MATN2: variants seen among roughly 807,000 people sequenced by gnomAD.
MATN2 encodes the protein matrilin 2.
A neutral mutation model predicts 103.2 loss-of-function variants in MATN2; 69 were observed. That is an observed-to-expected ratio of 0.67 (90% CI 0.55 to 0.82). The LOEUF (loss-of-function observed/expected upper bound fraction) is 0.82. Among genes scored for constraint, MATN2 ranks in the 40% least tolerant of loss-of-function variants. The probability of loss-of-function intolerance (pLI) is 0.00; values close to 1 mark genes in which losing one functional copy is unlikely to be tolerated. For synonymous variants in MATN2, 429 were observed against 450.2 expected, an observed-to-expected ratio of 0.95 and a Z score of 0.60; for missense variants, 1,023 against 1,211.5, an observed-to-expected ratio of 0.84 and a Z score of 2.31.
intron 7 of MATN2, among the ~76,000 whole-genome samples, chr8:98,002,347 C>T (rs1402727909): frequency 6.6e-6 from 1 of 152,218 alleles, no homozygotes; most frequent in Non-Finnish European, 1.5e-5. Flanking sequence ...GTGGTCTCAA[C>T]AGAGCAAGGC....
chr8:98,009,327 G>A (rs1813080243), intron 10 of MATN2, among the ~76,000 whole-genome samples: 2 of 152,184 alleles, frequency 1.3e-5, no homozygotes, highest in Non-Finnish European at 2.9e-5. Context: ...CTAACTGGGG[G>A]TTGGGATGTG....
At position 98,005,156 on chromosome 8, in the gene MATN2, G is replaced by C. The variant is rs1181047758; in HGVS notation, c.1327+1373G>C. ...GAGGTCCAGGGCAGTCCTCAGGAAA[G>C]CGTGGCTCCTCCAGTGTCCAGAGAG... On this transcript the variant is annotated intron_variant, in intron 8 of 18. Coordinates refer to ENST00000254898, the MANE Select transcript of MATN2 (RefSeq NM_002380.5). The surrounding 1 kb of genome is among the most constrained non-coding windows in gnomAD (Gnocchi z 4.6). 6.6e-6 allele frequency among the ~76,000 whole-genome samples: 1 copy of C among 152,244 alleles called. No homozygotes were observed. Among genetic ancestry groups the C allele is most frequent in the Non-Finnish European group, 1.5e-5 (1 of 68,032 alleles).
chr8:97,908,723 C>T (rs112018057), intron 2 of MATN2, among the ~76,000 whole-genome samples: 14,406 of 152,130 alleles, frequency 0.095, 984 homozygotes, highest in Admixed American at 0.21. Context: ...CCTCCGCCTC[C>T]TGGTTTCAAG....
chr8:97,885,926 A>G (rs1818410215), intron 1 of MATN2, among the ~76,000 whole-genome samples: 2 of 152,220 alleles, frequency 1.3e-5, no homozygotes, highest in South Asian at 4.1e-4. Context: ...GCCGCACAGC[A>G]GGAGGTGAGC....
intron 2 of MATN2, among the ~76,000 whole-genome samples, chr8:97,918,716 A>G (rs1236365376): frequency 2.6e-5 from 4 of 152,124 alleles, no homozygotes; most frequent in Non-Finnish European, 5.9e-5. Context: ...CTGCCAGTCA[A>G]TGTGTTATCT....
At position 97,931,621 on chromosome 8, in the gene MATN2, G is replaced by A. The variant is rs1810201878; in HGVS notation, c.712+99G>A. On this transcript the variant is annotated intron_variant, in intron 3 of 18. Coordinates refer to ENST00000254898, the MANE Select transcript of MATN2 (RefSeq NM_002380.5). The surrounding 1 kb of genome is among the most constrained non-coding windows in gnomAD (Gnocchi z 4.1). ...TGTGTTACTATGTCCCAGGTACTGT[G>A]CTGGCAATAGGTTTTCAACAAAGGC... is the stretch of plus-strand genomic sequence containing the variant. 1.8e-5 allele frequency: 21 copies of A among 1,195,124 alleles called. No individual in the cohort carries two copies. The highest frequency in any genetic ancestry group is 6.2e-5 in the South Asian group (4 of 64,018). The allele number at this position is 1,195,124 out of a possible 1,614,324, so 74.0% of individuals were successfully genotyped here.
At chr8:98,028,703 C>T (rs1435102011) in intron 14 of MATN2, among the ~76,000 whole-genome samples, 8 of 152,110 alleles carry the variant, frequency 5.3e-5, no homozygotes, top group East Asian at 3.9e-4. Flanking sequence ...TCTCCTGCCT[C>T]GGCCTCCTGA....
At chr8:98,022,394 T>C (rs1475794824) in intron 13 of MATN2, among the ~76,000 whole-genome samples, 1 of 152,014 alleles carries the variant, frequency 6.6e-6, no homozygotes, top group East Asian at 1.9e-4. Context: ...CACACCCTTT[T>C]TCTAATATTT....
At chr8:97,951,382 C>T (rs917916618) in intron 4 of MATN2, among the ~76,000 whole-genome samples, 27 of 152,232 alleles carry the variant, frequency 1.8e-4, no homozygotes, top group Non-Finnish European at 3.1e-4. Flanking sequence ...GAACCTTGCA[C>T]AGCTTTTCCT....
chr8:97,937,038 T>G (rs1810391379), intron 3 of MATN2, among the ~76,000 whole-genome samples: 1 of 152,154 alleles, frequency 6.6e-6, no homozygotes, highest in South Asian at 2.1e-4. Flanking sequence ...CCTCCACTCC[T>G]CTCCTTCTCC....
intron 3 of MATN2, among the ~76,000 whole-genome samples, chr8:97,935,544 G>C (rs762174783): frequency 6.6e-6 from 1 of 152,054 alleles, no homozygotes; most frequent in Non-Finnish European, 1.5e-5. Context: ...TTGAGATAGG[G>C]TCTCACTCTG....
intron 5 of MATN2, among the ~76,000 whole-genome samples, chr8:97,966,239 T>G (rs539634661): frequency 1.3e-5 from 2 of 151,592 alleles, no homozygotes; most frequent in Admixed American, 1.3e-4. Flanking sequence ...GCAACAGTGA[T>G]GGAAGAGTGA....
intron 7 of MATN2, among the ~76,000 whole-genome samples, chr8:98,000,781 A>G (rs1054064746): frequency 6.6e-6 from 1 of 152,204 alleles, no homozygotes; most frequent in African/African-American, 2.4e-5. Context: ...AGTGAGAAAA[A>G]TAAAGATGGC....
intron 11 of MATN2, 72 bp downstream of exon 11, chr8:98,016,734 T>C (rs1813376090): frequency 6.5e-7 from 1 of 1,543,264 alleles, no homozygotes; most frequent in South Asian, 1.2e-5. Context: ...CTTATCTCTG[T>C]ATATATCAGT....
At chr8:98,010,446 G>A (rs1813119907) in intron 10 of MATN2, among the ~76,000 whole-genome samples, 1 of 152,180 alleles carries the variant, frequency 6.6e-6, no homozygotes, top group South Asian at 2.1e-4. Flanking sequence ...GCCCTCTTGG[G>A]GTCTGACTGC....
At chr8:97,975,464 G>A (rs1011988331) in intron 5 of MATN2, among the ~76,000 whole-genome samples, 3 of 152,174 alleles carry the variant, frequency 2.0e-5, no homozygotes, top group African/African-American at 7.2e-5. Flanking sequence ...CCCTCTGAGA[G>A]ACAGAAATGG....
chr8:97,882,833 A>G (rs1818296066), intron 1 of MATN2, among the ~76,000 whole-genome samples: 1 of 152,060 alleles, frequency 6.6e-6, no homozygotes, highest in Non-Finnish European at 1.5e-5. Context: ...CTATTCCAGC[A>G]GATTTGTTGT....
intron 2 of MATN2, among the ~76,000 whole-genome samples, chr8:97,889,453 C>CTATATATATATATATATATA (rs1818552833): frequency 2.2e-5 from 1 of 45,890 alleles, no homozygotes; most frequent in African/African-American, 7.9e-5. Flanking sequence ...CTCTCTCTCT[C>CTATATATATATATATATATA]TCTGTCTATA....
intron 3 of MATN2, among the ~76,000 whole-genome samples, chr8:97,938,312 A>G (rs1456940519): frequency 6.6e-6 from 1 of 152,224 alleles, no homozygotes; most frequent in African/African-American, 2.4e-5. Context: ...AAGTGGGATA[A>G]TGATTACCCC....
Sources: gnomAD v4.1 joint callset for allele counts (sites outside exome capture counted in the v4.1 genomes callset) on GRCh38, gnomAD v4.1.1 for gene constraint, Gnocchi (gnomAD v3.1) non-coding constraint, MANE v1.5 for transcripts, NCBI Gene and HGNC (gene_info 2026-07-23, HGNC 2026-07-21) for gene names.